The following OPCML variants were observed in gnomAD, a reference collection of about 807,000 sequenced individuals.
OPCML encodes opioid binding protein/cell adhesion molecule like, also known as opioid-binding protein/cell adhesion molecule.
A neutral mutation model predicts 37.8 loss-of-function variants in OPCML; 13 were observed. That is an observed-to-expected ratio of 0.34 (90% CI 0.22 to 0.55). The LOEUF is 0.55. Ranked by LOEUF, OPCML falls within the 20% of genes least tolerant of loss-of-function variation. OPCML has a pLI of 0.91. For synonymous variants in OPCML, 176 were observed against 168.8 expected (o/e 1.04, Z -0.33); for missense variants, 341 against 435.6 (o/e 0.78, Z 1.93).
intron 1 of OPCML, among the ~76,000 whole-genome samples, chr11:133,085,335 CCTTT>C (rs1274100145): frequency 4.6e-5 from 7 of 152,304 alleles, no homozygotes; most frequent in East Asian, 1.9e-4. Context: ...CACAATACCT[CCTTT>C]CTGTCTCTGC....
At chr11:133,459,981 G>A (rs1386053095) in intron 1 of OPCML, among the ~76,000 whole-genome samples, 1 of 151,952 alleles carries the variant, frequency 6.6e-6, no homozygotes, top group African/African-American at 2.4e-5. Flanking sequence ...AACAGAAAAA[G>A]TCTTAATACA....
intron 3 of OPCML, among the ~76,000 whole-genome samples, chr11:132,586,088 C>T (rs990706300): frequency 6.6e-6 from 1 of 152,068 alleles, no homozygotes; most frequent in African/African-American, 2.4e-5. Context: ...GTCCACAGAC[C>T]CACATGGGGA....
At chr11:132,732,523 C>T (rs1945113292) in intron 2 of OPCML, among the ~76,000 whole-genome samples, 1 of 152,028 alleles carries the variant, frequency 6.6e-6, no homozygotes, top group African/African-American at 2.4e-5. Flanking sequence ...GGAGATGTGG[C>T]TATAACAGTC....
intron 1 of OPCML, among the ~76,000 whole-genome samples, chr11:133,187,375 T>C (rs1418165190): frequency 6.6e-6 from 1 of 152,068 alleles, no homozygotes; most frequent in Non-Finnish European, 1.5e-5. Context: ...AAAGAACTAC[T>C]GGTTGGGATG....
intron 1 of OPCML, among the ~76,000 whole-genome samples, chr11:133,348,868 A>T (rs1944063091): frequency 6.6e-6 from 1 of 152,308 alleles, no homozygotes; most frequent in African/African-American, 2.4e-5. Flanking sequence ...GATCAGGAAG[A>T]CATGGCCTTG....
chr11:133,299,600 A>G (rs1198429749), intron 1 of OPCML: 1 of 152,260 alleles, frequency 6.6e-6, no homozygotes, highest in Non-Finnish European at 1.5e-5. Flanking sequence ...GTTAATACGT[A>G]TGAGAAAGTG....
intron 2 of OPCML, among the ~76,000 whole-genome samples, chr11:132,915,152 T>C (rs1015277775): frequency 2.0e-5 from 3 of 152,226 alleles, no homozygotes; most frequent in Non-Finnish European, 4.4e-5. Context: ...TGCCTCATTC[T>C]CATTCACCTC....
intron 2 of OPCML, among the ~76,000 whole-genome samples, chr11:132,660,054 G>T (rs1941892735): frequency 6.6e-6 from 1 of 151,976 alleles, no homozygotes; most frequent in Non-Finnish European, 1.5e-5. Context: ...AAAATTGATA[G>T]AACATAAATA....
chr11:133,343,298 G>A (rs890886239), intron 1 of OPCML, among the ~76,000 whole-genome samples: 1 of 152,028 alleles, frequency 6.6e-6, no homozygotes, highest in African/African-American at 2.4e-5. Context: ...ATCCTCACAG[G>A]GCCTACGTCA....
intron 2 of OPCML, among the ~76,000 whole-genome samples, chr11:132,832,544 C>T (rs1940756646): frequency 6.6e-6 from 1 of 152,088 alleles, no homozygotes; most frequent in Admixed American, 6.6e-5. Context: ...TCAGATTTTC[C>T]AAAAAAGCCA....
intron 3 of OPCML, among the ~76,000 whole-genome samples, chr11:132,537,418 A>T (rs1387787043): frequency 1.3e-5 from 2 of 152,198 alleles, no homozygotes; most frequent in Admixed American, 6.5e-5. Flanking sequence ...ACTTCATACC[A>T]TATACAAAAA....
At chr11:133,329,529 G>A (rs533836533) in intron 1 of OPCML, among the ~76,000 whole-genome samples, 12 of 152,166 alleles carry the variant, frequency 7.9e-5, no homozygotes, top group Middle Eastern at 6.8e-3. Flanking sequence ...AAATAATGCC[G>A]CATATCTACA....
chr11:133,515,907 A>G (rs1414518118), intron 1 of OPCML, among the ~76,000 whole-genome samples: 1 of 151,874 alleles, frequency 6.6e-6, no homozygotes, highest in Non-Finnish European at 1.5e-5. Context: ...GCCATGAGTG[A>G]GTCCTAGTTC....
chr11:132,606,331 G>A (rs936692252), intron 3 of OPCML, among the ~76,000 whole-genome samples: 4 of 152,070 alleles, frequency 2.6e-5, no homozygotes, highest in Non-Finnish European at 4.4e-5. Flanking sequence ...CTGGGGAGAC[G>A]CTCGTCCTGT....
intron 2 of OPCML, among the ~76,000 whole-genome samples, chr11:132,774,534 A>T (rs1440135007): frequency 6.6e-6 from 1 of 152,174 alleles, no homozygotes; most frequent in African/African-American, 2.4e-5. Context: ...AAGCCCTTGG[A>T]GATTCTTATT....
At chr11:132,916,711 A>C (rs1376333932) in intron 2 of OPCML, among the ~76,000 whole-genome samples, 1 of 152,126 alleles carries the variant, frequency 6.6e-6, no homozygotes, top group East Asian at 1.9e-4. Flanking sequence ...TTAAGTAAAG[A>C]GAATGTCATA....
intron 1 of OPCML, among the ~76,000 whole-genome samples, chr11:132,956,460 C>T (rs1945979874): frequency 6.6e-6 from 1 of 152,220 alleles, no homozygotes; most frequent in Non-Finnish European, 1.5e-5. Context: ...CACAGACACA[C>T]TCTCAGGGTC....
rs1555167917 is a variant in OPCML at position 132,638,163 on chromosome 11, C to CTATATATATATACATATA, written c.379+18923_379+18924insTATATGTATATATATATA. ...GAAAGCTAAAGAGCATATATACAGA[C>CTATATATATATACATATA]TATATATATATATATATATATATAC... On this transcript the variant is annotated intron_variant, in intron 3 of 7. Coordinates refer to ENST00000524381, the MANE Select transcript of OPCML (RefSeq NM_001012393.5). Among the ~76,000 whole-genome samples the CTATATATATATACATATA allele has an allele frequency of 1.6e-5, 2 of 128,192 alleles. 1 individual carries two copies. Among genetic ancestry groups the CTATATATATATACATATA allele is most frequent in the Non-Finnish European group, 3.4e-5 (2 of 58,532 alleles). 84.1% of individuals were successfully genotyped at this position (128,192 alleles called of 152,430 possible).
chr11:132,834,023 A>G (rs1276261809), intron 2 of OPCML, among the ~76,000 whole-genome samples: 2 of 152,196 alleles, frequency 1.3e-5, no homozygotes, highest in Non-Finnish European at 1.5e-5. Flanking sequence ...CTTATAGACA[A>G]TTTTTGAGTA....
Sources: gnomAD v4.1 joint callset for allele counts (sites outside exome capture counted in the v4.1 genomes callset) on GRCh38, gnomAD v4.1.1 for gene constraint, MANE v1.5 for transcripts, NCBI Gene and HGNC (gene_info 2026-07-23, HGNC 2026-07-21) for gene names.